The following PLIN4 variants were observed in gnomAD, a reference collection of about 807,000 sequenced individuals.
PLIN4 encodes the protein perilipin 4.
A neutral mutation model predicts 52.4 loss-of-function variants in PLIN4; 57 were observed. The observed-to-expected ratio is 1.09, with a 90% CI of 0.88 to 1.36. PLIN4 has a LOEUF of 1.36. Among genes scored for constraint, PLIN4 ranks in the 40% most tolerant of loss-of-function variants. PLIN4 has a pLI of 0.00. For missense variants in PLIN4, 1,757 were observed against 1,770.3 expected, an observed-to-expected ratio of 0.99 and a Z score of 0.13; for synonymous variants, 826 against 785.4, an observed-to-expected ratio of 1.05 and a Z score of -0.86.
At chr19:4,517,984 G>A (rs1976635555) in intron 2 of PLIN4, among the ~76,000 whole-genome samples, 1 of 152,200 alleles carries the variant, frequency 6.6e-6, no homozygotes, top group South Asian at 2.1e-4. Flanking sequence ...GAGAGGGGCG[G>A]AGCTGAGGCC....
In PLIN4 at chr19:4,512,378, G is replaced by A. The variant is rs757429544; in HGVS notation, c.1582C>T (p.Leu528=). 3.7e-6 allele frequency: 6 copies of A among 1,607,418 alleles called. No homozygotes were observed. The highest frequency in any genetic ancestry group is 3.4e-6 in the Non-Finnish European group (4 of 1,177,570). ...QTGVDTTKTV[L]TGTKDTVCSG... The stretch of plus-strand genomic sequence containing the variant: ...CAGACGGTGTCCTTGGTGCCGGTTA[G>A]GACAGTCTTGGTGGTGTCTACGCCG... Residue 528 remains leucine, a synonymous_variant, in exon 5 of 8, where the codon CTA becomes TTA. Transcript: ENST00000301286.
chr19:4,506,862 G>T (rs1201856410), intron 6 of PLIN4, among the ~76,000 whole-genome samples: 1 of 152,238 alleles, frequency 6.6e-6, no homozygotes, highest in South Asian at 2.1e-4. Flanking sequence ...ATTGTACCGC[G>T]TGCCAGAGGC....
Position 4,508,945 on chromosome 19 carries a change from AGC to A in PLIN4, c.3523_3524del (p.Ala1175CysfsTer22), listed in dbSNP as rs1568227620. 6.2e-7 allele frequency: 1 copy of A among 1,610,862 alleles called. No homozygotes were observed. The highest frequency in any genetic ancestry group is 1.1e-5 in the South Asian group (1 of 90,812). ...GCACCTTTGGCCCAGGCTGGGAGGCAGCCAGCTGAGCTGGAAAGGAAGGCGCA... is the reference window on the plus strand; with the variant it reads ...GCACCTTTGGCCCAGGCTGGGAGGCACAGCTGAGCTGGAAAGGAAGGCGCA... ...PMNAEEQAQL[A>X]ASQPGPKVLS... On this transcript the variant is annotated frameshift_variant, in exon 6 of 8. Coordinates refer to ENST00000301286, the MANE Select transcript of PLIN4 (RefSeq NM_001367868.2). LOFTEE classifies it high-confidence loss of function.
intron 6 of PLIN4, among the ~76,000 whole-genome samples, chr19:4,506,074 C>T (rs1043805681): frequency 1.3e-5 from 2 of 152,194 alleles, no homozygotes; most frequent in Middle Eastern, 3.2e-3. Context: ...CCCACTGTCT[C>T]CTCTGGCCCT....
At chr19:4,509,407 A>G (rs968732982) in intron 5 of PLIN4, among the ~76,000 whole-genome samples, 3 of 151,630 alleles carry the variant, frequency 2.0e-5, no homozygotes, top group African/African-American at 7.3e-5. Flanking sequence ...ACCTGGGATC[A>G]GGAGCTCGAG....
chr19:4,516,587 C>T (rs764681766), intron 4 of PLIN4, 30 bp downstream of exon 4: 131 of 1,589,598 alleles, frequency 8.2e-5, no homozygotes, highest in Non-Finnish European at 1.1e-4. Flanking sequence ...GCTCCTGCCA[C>T]ATCAGACCCT....
At position 4,511,763 on chromosome 19, in the gene PLIN4, C is replaced by T. The variant is rs368515268; in HGVS notation, c.2197G>A (p.Val733Ile). ...GCAGCACCGGTCACCCCACTGCAGA[C>T]GGTGTCCTTGGTACCAGTTAGGACA... ...KTVLTGTKDT[V>I]CSGVTGAANV... The change falls in exon 5 of 8, where the codon GTC becomes ATC. Residue 733 changes from valine (V) to isoleucine (I), a missense_variant. By Grantham distance (29) the Val-to-Ile change is conservative. This residue lies in a region of PLIN4 where 96 missense variants were observed against 136.5 expected (regional missense o/e 0.70). Coordinates refer to ENST00000301286, the MANE Select transcript of PLIN4 (RefSeq NM_001367868.2). 3.1e-5 allele frequency: 49 copies of T among 1,594,938 alleles called. No individual in the cohort carries two copies. The highest frequency in any genetic ancestry group is 1.6e-4 in the African/African-American group (12 of 74,506).
rs757623803 is a variant in PLIN4 at position 4,512,658 on chromosome 19, G to A, written c.1302C>T (p.Asp434=). 6.2e-5 allele frequency: 97 copies of A among 1,570,884 alleles called. 7 individuals are homozygous for A. The highest frequency in any genetic ancestry group is 8.0e-5 in the Non-Finnish European group (93 of 1,161,532). The change falls in exon 5 of 8, where the codon GAC becomes GAT. Residue 434 remains aspartate (D), a synonymous_variant. Transcript: ENST00000301286. ...CACCAGTCACCCCACTGCAGACGGT[G>A]TCCTTTGTACCTGTTGCGATATTTT... ...TTQNIATGTK[D]TVCSGVTGAM... is the part of the protein sequence containing the mutation.
intron 6 of PLIN4, among the ~76,000 whole-genome samples, chr19:4,507,502 G>T (rs985613062): frequency 6.6e-6 from 1 of 152,152 alleles, no homozygotes; most frequent in Non-Finnish European, 1.5e-5. Flanking sequence ...GGGCAACATA[G>T]CAAAATCTAA....
chr19:4,510,549 C>T lies in PLIN4; in HGVS notation c.3411G>A (p.Leu1137=), dbSNP rs1976263015. 6.7e-7 allele frequency: 1 copy of T among 1,496,466 alleles called. No homozygotes were observed. The allele number at this position is 1,496,466 out of a possible 1,614,324, so 92.7% of individuals were successfully genotyped here. The change falls in exon 5 of 8, where the codon TTG becomes TTA. Residue 1137 remains leucine, a synonymous_variant. Coordinates refer to ENST00000301286, the MANE Select transcript of PLIN4 (RefSeq NM_001367868.2). ...CTTCTTCGGGGCCGTGTGTGGTGGC[C>T]AAAAGCCCCGTGTCCTCCCTGCCTG... ...AAPGREDTGL[L]ATTHGPEEAP...
At position 4,516,668 on chromosome 19, in the gene PLIN4, G is replaced by C. The variant is rs765161400; in HGVS notation, c.207C>G (p.His69Gln). Residue 69 changes from histidine to glutamine, a missense_variant, in exon 4 of 8, where the codon CAC (histidine) becomes CAG (glutamine). By Grantham distance (24) the His-to-Gln change is conservative. Coordinates refer to ENST00000301286, the MANE Select transcript of PLIN4 (RefSeq NM_001367868.2). ...AAQPQAQVAAHPEQTAPWTEK... is the reference protein window; with the variant it reads ...AAQPQAQVAAQPEQTAPWTEK... ...CCGTCCATGGGGCCGTCTGCTCTGG[G>C]TGGGCAGCCACTGTGGGGACAGGGG... 1.3e-6 allele frequency: 2 copies of C among 1,598,056 alleles called. No individual in the cohort carries two copies. The highest frequency in any genetic ancestry group is 4.5e-5 in the East Asian group (2 of 44,158).
At chr19:4,506,331 C>T (rs1976092914) in intron 6 of PLIN4, among the ~76,000 whole-genome samples, 2 of 152,318 alleles carry the variant, frequency 1.3e-5, no homozygotes, top group Admixed American at 6.5e-5. Flanking sequence ...CCGTGCCCTC[C>T]GCTCAGATCA....
intron 6 of PLIN4, among the ~76,000 whole-genome samples, chr19:4,506,398 T>C (rs908745497): frequency 1.3e-5 from 2 of 152,212 alleles, no homozygotes; most frequent in Admixed American, 6.5e-5. Context: ...ACTTCAAGTG[T>C]CCCCTCTTCA....
At chr19:4,507,855 G>A (rs1976141926) in intron 6 of PLIN4, among the ~76,000 whole-genome samples, 1 of 152,116 alleles carries the variant, frequency 6.6e-6, no homozygotes, top group South Asian at 2.1e-4. Context: ...TCCCACCCCA[G>A]AGCACGATCC....
rs1215400347 is a variant in PLIN4 at position 4,516,620 on chromosome 19, TTCCGAAGGTTGCAGC to T, written c.240_254del (p.Leu81_Glu85del). The T allele has an allele frequency of 6.2e-7, 1 of 1,603,492 alleles. No individual in the cohort carries two copies. The highest frequency in any genetic ancestry group is 1.1e-5 in the South Asian group (1 of 88,966). ...CCTGCCCTGCACATCCTCTCACCTT[TTCCGAAGGTTGCAGC>T]TCCTTCTCCGTCCATGGGGCCGTCT... On this transcript the variant is annotated inframe_deletion, in exon 4 of 8. Transcript: ENST00000301286.
chr19:4,508,255 C>T (rs1252306741), intron 6 of PLIN4, among the ~76,000 whole-genome samples: 1 of 152,040 alleles, frequency 6.6e-6, no homozygotes, highest in African/African-American at 2.4e-5. Flanking sequence ...TCTTTGTGTC[C>T]CCACCGTCTT....
intron 4 of PLIN4, among the ~76,000 whole-genome samples, chr19:4,514,136 G>T (rs1243680410): frequency 6.6e-6 from 1 of 152,214 alleles, no homozygotes; most frequent in Non-Finnish European, 1.5e-5. Context: ...GGACACCAGG[G>T]AGACTAAATT....
chr19:4,512,093 T>A lies in PLIN4; in HGVS notation c.1867A>T (p.Thr623Ser). 1 of 1,606,520 alleles carries A rather than the reference T, an allele frequency of 6.2e-7. No homozygotes were observed. The highest frequency in any genetic ancestry group is 8.5e-7 in the Non-Finnish European group (1 of 1,178,252). Residue 623 changes from threonine (T) to serine (S), a missense_variant, in exon 5 of 8, where the codon ACC (threonine) becomes TCC (serine). By Grantham distance (58) the Thr-to-Ser change is moderately conservative. Coordinates refer to ENST00000301286, the MANE Select transcript of PLIN4 (RefSeq NM_001367868.2). ...KGTVQTGMDT[T>S]KTVLTGTKDT... ...TTGGTACCGGTTAGGACAGTTTTGG[T>A]GGTGTCCATGCCTGTCTGGACGGTC...
chr19:4,512,501 C>T lies in PLIN4; in HGVS notation c.1459G>A (p.Gly487Ser), dbSNP rs536950881. 4.4e-6 allele frequency: 7 copies of T among 1,606,586 alleles called. No homozygotes were observed. The highest frequency in any genetic ancestry group is 3.4e-5 in the Admixed American group (2 of 59,594). Residue 487 changes from glycine (G) to serine (S), a missense_variant, in exon 5 of 8, where the codon GGC becomes AGC. Physicochemically the swap from Gly to Ser is moderately conservative, Grantham distance 56. Coordinates refer to ENST00000301286, the MANE Select transcript of PLIN4 (RefSeq NM_001367868.2). ...ANVAKGAVQG[G>S]LDTTKSVLTG... is the part of the protein sequence containing the mutation. ...AGGACAGACTTTGTAGTGTCCAGGC[C>T]GCCCTGGACGGCCCCTTTGGCCACA...
Sources: gnomAD v4.1 joint callset for allele counts (sites outside exome capture counted in the v4.1 genomes callset) on GRCh38, gnomAD v4.1.1 for gene constraint, gnomAD v4.1.1 regional missense constraint, MANE v1.5 for transcripts, NCBI Gene and HGNC (gene_info 2026-07-23, HGNC 2026-07-21) for gene names.